The following ZNF385D variants were observed in gnomAD, a reference collection of about 807,000 sequenced individuals.
ZNF385D encodes zinc finger protein 385D.
In ZNF385D, 15 loss-of-function variants were observed where a neutral mutation model predicts 35.8. That is an observed-to-expected ratio of 0.42 (90% CI 0.28 to 0.64). ZNF385D has a LOEUF of 0.64. ZNF385D is among the 30% of genes least tolerant of loss of function. ZNF385D has a pLI of 0.23. For synonymous variants in ZNF385D, 212 were observed against 186.8 expected (o/e 1.13, Z -1.10); for missense variants, 474 against 494.6 (o/e 0.96, Z 0.39).
At chr3:21,724,693 G>A (rs543548379) in intron 1 of ZNF385D, among the ~76,000 whole-genome samples, 1 of 152,040 alleles carries the variant, frequency 6.6e-6, no homozygotes, top group South Asian at 2.1e-4. Flanking sequence ...AAAGTTCTTA[G>A]AGACTTACAA....
At chr3:22,089,008 C>T (rs746453292) in intron 3 of ZNF385D, among the ~76,000 whole-genome samples, 5 of 152,054 alleles carry the variant, frequency 3.3e-5, no homozygotes, top group African/African-American at 4.8e-5. Flanking sequence ...ACATTTACAT[C>T]GTATTATTTT....
chr3:22,348,119 A>G (rs1313815306), intron 2 of ZNF385D, among the ~76,000 whole-genome samples: 1 of 152,152 alleles, frequency 6.6e-6, no homozygotes, highest in Non-Finnish European at 1.5e-5. Context: ...GCCTATATTA[A>G]TAGGAGAAAA....
At chr3:22,316,544 G>C (rs1334100386) in intron 2 of ZNF385D, among the ~76,000 whole-genome samples, 1 of 152,112 alleles carries the variant, frequency 6.6e-6, no homozygotes, top group Non-Finnish European at 1.5e-5. Flanking sequence ...GACAATACAG[G>C]AGCTATAAGC....
chr3:22,026,740 T>G (rs1013558027), intron 3 of ZNF385D, among the ~76,000 whole-genome samples: 4 of 152,146 alleles, frequency 2.6e-5, no homozygotes, highest in African/African-American at 9.7e-5. Context: ...TGCCTCTACC[T>G]AGAAAAATAG....
intron 3 of ZNF385D, among the ~76,000 whole-genome samples, chr3:22,016,966 A>G (rs1465016198): frequency 1.3e-5 from 2 of 151,906 alleles, no homozygotes; most frequent in African/African-American, 2.4e-5. Context: ...AAACACACAC[A>G]CACACTTTCT....
At chr3:21,932,344 C>T (rs1575947505) in intron 3 of ZNF385D, among the ~76,000 whole-genome samples, 4 of 151,776 alleles carry the variant, frequency 2.6e-5, no homozygotes, top group South Asian at 2.1e-4. Flanking sequence ...AGATTCAAAA[C>T]GCAATTAGTC....
At chr3:21,908,069 G>A (rs766849343) in intron 3 of ZNF385D, among the ~76,000 whole-genome samples, 1 of 151,692 alleles carries the variant, frequency 6.6e-6, no homozygotes, top group Non-Finnish European at 1.5e-5. Context: ...ATAGTAACTA[G>A]GCAAAAAAGT....
intron 2 of ZNF385D, among the ~76,000 whole-genome samples, chr3:21,659,881 C>A (rs187922238): frequency 6.6e-6 from 1 of 151,938 alleles, no homozygotes; most frequent in East Asian, 1.9e-4. Flanking sequence ...AATCTCAGGC[C>A]CCTCCCCAGA....
At chr3:21,807,156 G>C (rs1236688388) in intron 3 of ZNF385D, among the ~76,000 whole-genome samples, 2 of 152,116 alleles carry the variant, frequency 1.3e-5, no homozygotes, top group Admixed American at 6.5e-5. Context: ...AATTAGAAAA[G>C]AATAGCTAAA....
intron 2 of ZNF385D, among the ~76,000 whole-genome samples, chr3:21,585,959 A>G (rs1381632344): frequency 2.0e-5 from 3 of 152,134 alleles, no homozygotes; most frequent in Admixed American, 6.5e-5. Context: ...ACTTGAAGCC[A>G]AGAGTCCAAG....
intron 3 of ZNF385D, among the ~76,000 whole-genome samples, chr3:22,161,741 G>C (rs1436165265): frequency 6.6e-6 from 1 of 152,158 alleles, no homozygotes; most frequent in Non-Finnish European, 1.5e-5. Flanking sequence ...ATTCTCAGCA[G>C]TTAGAGTTGT....
chr3:21,933,678 A>G (rs1701122261), intron 3 of ZNF385D, among the ~76,000 whole-genome samples: 1 of 152,196 alleles, frequency 6.6e-6, no homozygotes, highest in Admixed American at 6.5e-5. Context: ...ATACTAATAA[A>G]TGGATCCTAC....
chr3:21,492,407 C>T (rs1260127624), intron 4 of ZNF385D, among the ~76,000 whole-genome samples: 1 of 132,430 alleles, frequency 7.6e-6, no homozygotes, highest in Admixed American at 7.7e-5. Context: ...AACAAACAAA[C>T]AAGAAACAAG....
intron 3 of ZNF385D, among the ~76,000 whole-genome samples, chr3:21,927,645 G>C (rs1013997364): frequency 6.6e-6 from 1 of 152,116 alleles, no homozygotes; most frequent in Admixed American, 6.6e-5. Flanking sequence ...TTAAGCAAAG[G>C]TTTGCTATGC....
At chr3:21,836,197 G>A (rs750273375) in intron 3 of ZNF385D, among the ~76,000 whole-genome samples, 5 of 151,930 alleles carry the variant, frequency 3.3e-5, no homozygotes, top group African/African-American at 9.7e-5. Flanking sequence ...AAACTGCTTT[G>A]GTCTATAAAC....
intron 4 of ZNF385D, among the ~76,000 whole-genome samples, chr3:21,471,020 C>A (rs1703850960): frequency 6.6e-6 from 1 of 152,014 alleles, no homozygotes; most frequent in Non-Finnish European, 1.5e-5. Flanking sequence ...CCCTTATTGT[C>A]CATTGATAAA....
At chr3:22,008,620 T>C (rs940477780) in intron 3 of ZNF385D, among the ~76,000 whole-genome samples, 4 of 152,142 alleles carry the variant, frequency 2.6e-5, no homozygotes, top group Non-Finnish European at 5.9e-5. Flanking sequence ...CCTCCCAAAG[T>C]GCTGGGATTA....
chr3:22,296,332 A>G (rs192818874), intron 2 of ZNF385D, among the ~76,000 whole-genome samples: 4 of 152,278 alleles, frequency 2.6e-5, no homozygotes, highest in Non-Finnish European at 4.4e-5. Context: ...GGAGGCTGGC[A>G]TAAATGAACT....
intron 3 of ZNF385D, among the ~76,000 whole-genome samples, chr3:21,757,622 T>C (rs1381247888): frequency 6.6e-6 from 1 of 152,214 alleles, no homozygotes; most frequent in African/African-American, 2.4e-5. Context: ...AGTACTGTCC[T>C]AGGCGCTAAA....
Sources: allele counts gnomAD v4.1 joint callset (sites outside exome capture counted in the v4.1 genomes callset), GRCh38; gene constraint gnomAD v4.1.1; transcripts MANE v1.5; gene names NCBI Gene and HGNC (gene_info 2026-07-23, HGNC 2026-07-21).